The following TMOD1 variants were observed in gnomAD, a reference collection of about 807,000 sequenced individuals.
TMOD1 encodes tropomodulin 1, also known as tropomodulin-1.
Under a neutral mutation model 40.6 loss-of-function variants are expected in TMOD1, and 17 were observed. The observed-to-expected ratio is 0.42, with a 90% CI of 0.29 to 0.63. The LOEUF is 0.63. Ranked by LOEUF, TMOD1 falls within the 20% of genes least tolerant of loss-of-function variation. The pLI, the probability that TMOD1 is intolerant of heterozygous loss-of-function variation, is 0.22. For missense variants in TMOD1, 391 were observed against 447.6 expected (o/e 0.87, Z 1.14); for synonymous variants, 181 against 175.0 (o/e 1.03, Z -0.27).
chr9:97,536,117 G>A (rs1004957031), intron 2 of TMOD1, among the ~76,000 whole-genome samples: 1 of 152,178 alleles, frequency 6.6e-6, no homozygotes, highest in East Asian at 1.9e-4. Flanking sequence ...CATTTCCAGT[G>A]GGATCTGGAA....
intron 8 of TMOD1, among the ~76,000 whole-genome samples, chr9:97,586,829 T>C (rs1825886038): frequency 6.6e-6 from 1 of 152,210 alleles, no homozygotes. Flanking sequence ...CCCCTTGCGC[T>C]TCCCAGGTGA....
intron 8 of TMOD1, among the ~76,000 whole-genome samples, chr9:97,573,712 C>T (rs927688373): frequency 3.9e-5 from 6 of 152,298 alleles, no homozygotes; most frequent in East Asian, 1.9e-4. Context: ...AGCACCTTAC[C>T]GTGTGCACCC....
intron 8 of TMOD1, among the ~76,000 whole-genome samples, chr9:97,589,660 A>C (rs534242726): frequency 6.6e-6 from 1 of 152,270 alleles, no homozygotes; most frequent in African/African-American, 2.4e-5. Flanking sequence ...GCAAATACAG[A>C]TAGTTTTACT....
intron 8 of TMOD1, among the ~76,000 whole-genome samples, chr9:97,586,969 C>T (rs979321907): frequency 1.3e-5 from 2 of 152,236 alleles, no homozygotes; most frequent in African/African-American, 2.4e-5. Flanking sequence ...CCGTCTTCTG[C>T]GTTGCTCACG....
At chr9:97,565,285 C>CCCTAGAGATTCTGATT (rs1830709743) in intron 6 of TMOD1, among the ~76,000 whole-genome samples, 1 of 152,204 alleles carries the variant, frequency 6.6e-6, no homozygotes, top group Non-Finnish European at 1.5e-5. Context: ...CCAGGCCTGA[C>CCCTAGAGATTCTGATT]CCTAGAGATT....
chr9:97,547,638 G>T (rs561476618), intron 3 of TMOD1, among the ~76,000 whole-genome samples: 1 of 152,274 alleles, frequency 6.6e-6, no homozygotes, highest in East Asian at 1.9e-4. Flanking sequence ...TGTCCTTTGG[G>T]TCTCAACTGT....
intron 2 of TMOD1, among the ~76,000 whole-genome samples, chr9:97,543,001 C>G (rs563542826): frequency 2.6e-5 from 4 of 152,128 alleles, no homozygotes; most frequent in Non-Finnish European, 5.9e-5. Context: ...GAGTGGCCTC[C>G]ACAACAAGGA....
chr9:97,527,565 G>A (rs1301794190), intron 2 of TMOD1, among the ~76,000 whole-genome samples: 1 of 152,232 alleles, frequency 6.6e-6, no homozygotes, highest in Non-Finnish European at 1.5e-5. Context: ...TGTAGGGAAG[G>A]AATTGGGGAT....
At chr9:97,577,022 A>G (rs1830954793) in intron 8 of TMOD1, among the ~76,000 whole-genome samples, 1 of 152,174 alleles carries the variant, frequency 6.6e-6, no homozygotes. Context: ...AATCTGTGTT[A>G]ATATCATATG....
At chr9:97,501,474 G>T (rs530867191), upstream of TMOD1, among the ~76,000 whole-genome samples, 1 of 151,772 alleles carries the variant, frequency 6.6e-6, no homozygotes, top group East Asian at 1.9e-4. Flanking sequence ...GCTGCAGCCC[G>T]ACTCCCCTGC....
At chr9:97,585,114 T>A (rs1825841722) in intron 8 of TMOD1, among the ~76,000 whole-genome samples, 1 of 152,210 alleles carries the variant, frequency 6.6e-6, no homozygotes. Context: ...GGTCTTTACA[T>A]TTTGGCATGA....
At chr9:97,564,410 G>T (rs2131266405) in intron 6 of TMOD1, among the ~76,000 whole-genome samples, 1 of 152,310 alleles carries the variant, frequency 6.6e-6, no homozygotes, top group African/African-American at 2.4e-5. Context: ...ATCAGGCCCA[G>T]ATGTTTAGCA....
intron 9 of TMOD1, among the ~76,000 whole-genome samples, chr9:97,598,838 CT>C (rs749933636): frequency 6.6e-6 from 1 of 152,196 alleles, no homozygotes; most frequent in Non-Finnish European, 1.5e-5. Context: ...AGCTTCCTGT[CT>C]CTGCCAACAC....
At chr9:97,540,909 T>C (rs1412550942) in intron 2 of TMOD1, among the ~76,000 whole-genome samples, 1 of 152,228 alleles carries the variant, frequency 6.6e-6, no homozygotes, top group Non-Finnish European at 1.5e-5. Flanking sequence ...TTTTGAGAAA[T>C]TGCACAACTA....
At chr9:97,546,449 C>T in intron 3 of TMOD1, 108 bp downstream of exon 3, 2 of 1,180,544 alleles carry the variant, frequency 1.7e-6, no homozygotes, top group Middle Eastern at 2.0e-4. Context: ...GTGACTGGGC[C>T]TCCTTGTCCT....
At chr9:97,548,805 T>C (rs559466442) in intron 3 of TMOD1, among the ~76,000 whole-genome samples, 2 of 152,350 alleles carry the variant, frequency 1.3e-5, no homozygotes, top group East Asian at 3.9e-4. Flanking sequence ...ATCGTCATCA[T>C]CATCATCATC....
Position 97,513,455 on chromosome 9 carries a change from G to C in TMOD1, c.-48-10686G>C, listed in dbSNP as rs907554068. Among the ~76,000 whole-genome samples the C allele has an allele frequency of 6.6e-6, 1 of 152,132 alleles. No homozygotes were observed. The highest frequency in any genetic ancestry group is 1.5e-5 in the Non-Finnish European group (1 of 68,030). On this transcript the variant is annotated intron_variant, in intron 1 of 9. Coordinates refer to ENST00000259365, the MANE Select transcript of TMOD1 (RefSeq NM_003275.4). This position sits in a 1 kb window ranked among gnomAD's most constrained non-coding sequence, Gnocchi z 4.1. ...AGTTCAAGCTCTCATCTTTAACCAG[G>C]CTGACCCAAGATGGGGCCTCACCTG... is the stretch of plus-strand genomic sequence containing the variant.
intron 8 of TMOD1, among the ~76,000 whole-genome samples, chr9:97,584,176 C>T (rs148723158): frequency 0.096 from 14,638 of 151,880 alleles, 781 homozygotes; most frequent in Admixed American, 0.15. Context: ...GCTTTGAATG[C>T]GTCCCAGAGA....
At chr9:97,541,808 G>A (rs1332841388) in intron 2 of TMOD1, among the ~76,000 whole-genome samples, 2 of 152,048 alleles carry the variant, frequency 1.3e-5, no homozygotes, top group East Asian at 1.9e-4. Flanking sequence ...GAGTCACCAC[G>A]CCTGGCCCAT....
Sources: gnomAD v4.1 joint callset for allele counts (sites outside exome capture counted in the v4.1 genomes callset) on GRCh38, gnomAD v4.1.1 for gene constraint, Gnocchi (gnomAD v3.1) non-coding constraint, MANE v1.5 for transcripts, NCBI Gene and HGNC (gene_info 2026-07-23, HGNC 2026-07-21) for gene names.